The following PREX1 variants were observed in gnomAD, a reference collection of about 807,000 sequenced individuals.
PREX1 encodes phosphatidylinositol-3,4,5-trisphosphate dependent Rac exchange factor 1, also known as phosphatidylinositol 3,4,5-trisphosphate-dependent Rac exchanger 1 protein.
In PREX1, 41 loss-of-function variants were observed where a neutral mutation model predicts 198.3. The observed-to-expected ratio is 0.21, with a 90% CI of 0.16 to 0.27. PREX1 has a LOEUF of 0.27. PREX1 is among the 10% of genes least tolerant of loss of function. The pLI, the probability that PREX1 is intolerant of heterozygous loss-of-function variation, is 1.00. For synonymous variants in PREX1, 843 were observed against 887.2 expected (o/e 0.95, Z 0.89); for missense variants, 1,620 against 2,200.7 (o/e 0.74, Z 5.28).
chr20:48,692,824 C>A (rs367688105), intron 7 of PREX1, 34 bp from the exon 8 acceptor site: 15 of 1,547,394 alleles, frequency 9.7e-6, no homozygotes, highest in Non-Finnish European at 1.3e-5. Flanking sequence ...GTCCCCTACA[C>A]GTCACCTCCC....
rs2089349021 is a variant in PREX1, at chr20:48,634,784, A to G, written c.4168-9T>C. The G allele has an allele frequency of 1.9e-6, 3 of 1,613,450 alleles. No homozygotes were observed. The highest frequency in any genetic ancestry group is 2.5e-6 in the Non-Finnish European group (3 of 1,179,410). ...ATGGTCCGTTCCTCCTTCTGCAGGAAGAAGACAGCGCGGAGGAGTCTCAGA... is the reference window on the plus strand; with the variant it reads ...ATGGTCCGTTCCTCCTTCTGCAGGAGGAAGACAGCGCGGAGGAGTCTCAGA... On this transcript the variant is annotated splice_polypyrimidine_tract_variant and intron_variant, in intron 32 of 39. Coordinates refer to ENST00000371941, the MANE Select transcript of PREX1 (RefSeq NM_020820.4).
intron 5 of PREX1, among the ~76,000 whole-genome samples, chr20:48,721,579 G>A (rs1345289247): frequency 6.6e-6 from 1 of 152,276 alleles, no homozygotes; most frequent in Non-Finnish European, 1.5e-5. Flanking sequence ...CAAGGTCAGA[G>A]AGGAACATGG....
chr20:48,834,124 C>G, the PREX1 span, among the ~76,000 whole-genome samples: 5 of 151,766 alleles, frequency 3.3e-5, no homozygotes, highest in Admixed American at 2.0e-4. Flanking sequence ...CAGAAGGGTG[C>G]TGGTCTTCAC....
At chr20:48,658,053 T>C in intron 17 of PREX1, 83 bp downstream of exon 17, 1 of 1,319,500 alleles carries the variant, frequency 7.6e-7, no homozygotes, top group Non-Finnish European at 1.1e-6. Context: ...TCTCCTGGGC[T>C]GGGCTGCCTC....
chr20:48,644,414 C>G lies in PREX1; in HGVS notation c.3596G>C (p.Gly1199Ala). The G allele has an allele frequency of 1.2e-6, 2 of 1,613,436 alleles. No individual in the cohort carries two copies. Among genetic ancestry groups the G allele is most frequent in the Non-Finnish European group, 1.7e-6 (2 of 1,179,532 alleles). Reference sequence around the variant, plus strand: ...GCCGCTGCCACTCCACTCACCAGACCCCATCTCGTCGCTGCCCAAGTAGGA... The same window carrying G: ...GCCGCTGCCACTCCACTCACCAGACGCCATCTCGTCGCTGCCCAAGTAGGA... ...NSSYLGSDEM[G>A]SGDELPCDMR... Residue 1199 changes from glycine (G) to alanine (A), a missense_variant, in exon 27 of 40, where the codon GGG becomes GCG. By Grantham distance (60) the Gly-to-Ala change is moderately conservative (BLOSUM62 0). Coordinates refer to ENST00000371941, the MANE Select transcript of PREX1 (RefSeq NM_020820.4).
intron 31 of PREX1, 84 bp from the exon 32 acceptor site, chr20:48,636,767 AC>A: frequency 1.6e-6 from 2 of 1,232,766 alleles, no homozygotes; most frequent in Non-Finnish European, 2.2e-6. Context: ...TGGGTCCAGG[AC>A]CCCTCATGGA....
chr20:48,861,311 G>A, the PREX1 span, among the ~76,000 whole-genome samples: 1 of 152,194 alleles, frequency 6.6e-6, no homozygotes. Context: ...ATCTTTCCAA[G>A]TGAGGAGGCT....
chr20:48,863,794 G>A, the PREX1 span, among the ~76,000 whole-genome samples: 56 of 151,924 alleles, frequency 3.7e-4, 1 homozygote, highest in Non-Finnish European at 1.3e-4. Flanking sequence ...TCTTGGCCAG[G>A]CTGGTCTCAA....
chr20:48,768,949 C>CT (rs112557919), intron 1 of PREX1, among the ~76,000 whole-genome samples: 190 of 146,044 alleles, frequency 1.3e-3, no homozygotes, highest in Middle Eastern at 3.6e-3. Context: ...AAACTATTCC[C>CT]TTTTTTTTTT....
intron 13 of PREX1, among the ~76,000 whole-genome samples, chr20:48,678,755 C>T (rs528139225): frequency 1.3e-5 from 2 of 152,194 alleles, no homozygotes; most frequent in South Asian, 2.1e-4. Context: ...CATACCTCCA[C>T]GATTGAGAGG....
rs375350142 is a variant in PREX1, at chr20:48,824,116, C to T, written c.219+3526G>A. Among the ~76,000 whole-genome samples the T allele has an allele frequency of 2.6e-5, 4 of 152,264 alleles. No homozygotes were observed. The East Asian group carries it at 7.7e-4, about 29-fold the overall frequency. ...ACATAGCCAGGGCCTCGAAATGATT[C>T]GAGCCAAGGTTCTGAGTCAAAACCC... On this transcript the variant is annotated intron_variant, in intron 1 of 39. Transcript: ENST00000371941.
At chr20:48,724,051 C>T (rs532970524) in intron 5 of PREX1, among the ~76,000 whole-genome samples, 1 of 152,302 alleles carries the variant, frequency 6.6e-6, no homozygotes, top group South Asian at 2.1e-4. Flanking sequence ...AACACAGAGC[C>T]ACCGACCTTA....
chr20:48,734,727 GCTGGTAGGGTAGGGGTAAGGA>G (rs2090049540), intron 3 of PREX1, 77 bp from the exon 4 acceptor site: 1 of 1,313,304 alleles, frequency 7.6e-7, no homozygotes, highest in Non-Finnish European at 1.1e-6. Flanking sequence ...TGACCACTGG[GCTGGTAGGGTAGGGGTAAGGA>G]CTACCCTGAC....
At chr20:48,646,131 G>C (rs1372970228) in intron 25 of PREX1, 74 bp from the exon 26 acceptor site, 1 of 1,474,122 alleles carries the variant, frequency 6.8e-7, no homozygotes, top group African/African-American at 1.4e-5. Context: ...AATCCCACCA[G>C]CAGCTGCAGG....
chr20:48,816,046 A>C (rs1276285932), intron 1 of PREX1, among the ~76,000 whole-genome samples: 2 of 143,416 alleles, frequency 1.4e-5, no homozygotes, highest in Non-Finnish European at 3.1e-5. Context: ...AAAAAAAAAA[A>C]CAGAGAGATG....
rs552290728 is a variant in PREX1, at chr20:48,775,106, C to T, written c.220-27226G>A. ...CACGCTGCTCCTGCATCCCTGACCA[C>T]ACCAGGCACTCATTGGTTCTCTCGG... On this transcript the variant is annotated intron_variant, in intron 1 of 39. Coordinates refer to ENST00000371941, the MANE Select transcript of PREX1 (RefSeq NM_020820.4). Among the ~76,000 whole-genome samples, 13 of 152,330 alleles carry T rather than the reference C, an allele frequency of 8.5e-5. No homozygotes were observed. In the East Asian group the frequency reaches 2.5e-3, roughly 29 times the overall value.
chr20:48,703,418 C>G (rs1462334879), intron 6 of PREX1, among the ~76,000 whole-genome samples: 1 of 152,210 alleles, frequency 6.6e-6, no homozygotes, highest in Non-Finnish European at 1.5e-5. Flanking sequence ...AGTGAGGTAG[C>G]AGCCTGCCGC....
Position 48,646,010 on chromosome 20 carries a change from G to A in PREX1, c.3353C>T (p.Ala1118Val). The change falls in exon 26 of 40, where the codon GCA becomes GTA. Residue 1118 changes from alanine (A) to valine (V), a missense_variant. Physicochemically the swap from Ala to Val is moderately conservative, Grantham distance 64. Transcript: ENST00000371941. Reference protein sequence around the residue: ...TEPTSGGSCDASLAEEASSLP... With the variant: ...TEPTSGGSCDVSLAEEASSLP... Reference sequence around the variant, plus strand: ...GGAGGAGGCCTCCTCAGCCAAGGATGCGTCGCAGGACCCACCCGAGGTGGG... The same window carrying A: ...GGAGGAGGCCTCCTCAGCCAAGGATACGTCGCAGGACCCACCCGAGGTGGG... 6.2e-7 allele frequency: 1 copy of A among 1,614,188 alleles called. No homozygotes were observed. Among genetic ancestry groups the A allele is most frequent in the South Asian group, 1.1e-5 (1 of 91,082 alleles).
intron 1 of PREX1, among the ~76,000 whole-genome samples, chr20:48,790,686 C>T (rs768822788): frequency 1.3e-5 from 2 of 152,120 alleles, no homozygotes; most frequent in African/African-American, 4.8e-5. Context: ...GGATCAGGGG[C>T]CTGTTAGGCA....
Sources: gnomAD v4.1 joint callset for allele counts (sites outside exome capture counted in the v4.1 genomes callset) on GRCh38, gnomAD v4.1.1 for gene constraint, MANE v1.5 for transcripts, NCBI Gene and HGNC (gene_info 2026-07-23, HGNC 2026-07-21) for gene names.